FGF7: variants seen among roughly 807,000 people sequenced by gnomAD.
The protein encoded by FGF7 is fibroblast growth factor 7.
Under a neutral mutation model 20.5 loss-of-function variants are expected in FGF7, and 6 were observed. The observed-to-expected ratio is 0.29, with a 90% CI of 0.16 to 0.58. FGF7 has a LOEUF of 0.58. FGF7 is among the 20% of genes least tolerant of loss of function. The pLI is 0.90. For synonymous variants in FGF7, 64 were observed against 74.7 expected (o/e 0.86, Z 0.74); for missense variants, 144 against 228.8 (o/e 0.63, Z 2.39).
chr15:49,469,132 G>A (rs886969787), intron 2 of FGF7, among the ~76,000 whole-genome samples: 1 of 152,008 alleles, frequency 6.6e-6, no homozygotes, highest in African/African-American at 2.4e-5. Flanking sequence ...TAAAATAAAT[G>A]TAAGACTGAA....
At chr15:49,478,169 A>G (rs1171903036) in intron 2 of FGF7, among the ~76,000 whole-genome samples, 1 of 152,158 alleles carries the variant, frequency 6.6e-6, no homozygotes, top group East Asian at 1.9e-4. Context: ...AACATGCAGT[A>G]TTTAGTTTTC....
At chr15:49,444,049 G>T (rs1256565082) in intron 2 of FGF7, among the ~76,000 whole-genome samples, 4 of 151,690 alleles carry the variant, frequency 2.6e-5, no homozygotes, top group Admixed American at 2.6e-4. Flanking sequence ...CTAACATTGT[G>T]CTGGGCAAAC....
At chr15:49,479,047 A>T (rs896241007) in intron 2 of FGF7, among the ~76,000 whole-genome samples, 10 of 152,206 alleles carry the variant, frequency 6.6e-5, no homozygotes, top group Admixed American at 5.9e-4. Flanking sequence ...ACAGACAAAA[A>T]GGTTTAGATA....
At chr15:49,474,237 A>C (rs2055042982) in intron 2 of FGF7, among the ~76,000 whole-genome samples, 1 of 152,186 alleles carries the variant, frequency 6.6e-6, no homozygotes, top group African/African-American at 2.4e-5. Flanking sequence ...TTTTTAGTAA[A>C]TAATGTAGCT....
At position 49,424,376 on chromosome 15, in the gene FGF7, A is replaced by G; in HGVS notation, c.79A>G (p.Thr27Ala). ...CTTTCACATTATCTGTCTAGTGGGT[A>G]CTATATCTTTAGCTTGCAATGACAT... Reference protein sequence around the residue: ...SCFHIICLVGTISLACNDMTP... With the variant: ...SCFHIICLVGAISLACNDMTP... The change falls in exon 2 of 4, where the codon ACT (threonine) becomes GCT (alanine). Residue 27 changes from threonine to alanine, a missense_variant. By Grantham distance (58) the Thr-to-Ala change is moderately conservative. Around this residue, in one of 2 missense-constraint regions of FGF7, gnomAD observed 88 missense variants for 103.4 expected, o/e 0.85. Transcript: ENST00000267843. 6.2e-7 allele frequency: 1 copy of G among 1,613,726 alleles called. No homozygotes were observed. The highest frequency in any genetic ancestry group is 8.5e-7 in the Non-Finnish European group (1 of 1,179,734).
At position 49,484,570 on chromosome 15, in the gene FGF7, T is replaced by C; in HGVS notation, c.*66T>C. ...TTCTTTAAGTGGACTGTTTTCTTTC[T>C]TCTCAAAATTTTCTTTCCTTTTATT... On this transcript the variant is annotated 3_prime_UTR_variant, in exon 4 of 4. Transcript: ENST00000267843. 1 of 775,646 alleles carries C rather than the reference T, an allele frequency of 1.3e-6. No homozygotes were observed. Among genetic ancestry groups the C allele is most frequent in the East Asian group, 3.2e-5 (1 of 31,518 alleles). 48.0% of individuals were successfully genotyped at this position (775,646 alleles called of 1,614,324 possible). A position where few individuals can be genotyped will look rare whatever the true frequency, so the allele number is the denominator to read the frequency against.
At chr15:49,436,139 C>T (rs1214601982) in intron 2 of FGF7, among the ~76,000 whole-genome samples, 1 of 151,512 alleles carries the variant, frequency 6.6e-6, no homozygotes, top group African/African-American at 2.4e-5. Context: ...TAAAATTATA[C>T]ATGGGCCTGT....
chr15:49,442,892 T>C (rs933384879), intron 2 of FGF7, among the ~76,000 whole-genome samples: 17 of 151,844 alleles, frequency 1.1e-4, no homozygotes, highest in African/African-American at 4.1e-4. Flanking sequence ...CCACTAATGA[T>C]TAGGTTGATT....
chr15:49,446,625 A>G (rs992896724), intron 2 of FGF7, among the ~76,000 whole-genome samples: 2 of 151,560 alleles, frequency 1.3e-5, no homozygotes, highest in Non-Finnish European at 3.0e-5. Flanking sequence ...AAAATGTGAA[A>G]AAAAGGTGCA....
In FGF7 at chr15:49,487,765, T is replaced by C. The variant is rs2056525396; in HGVS notation, c.*3261T>C. The stretch of plus-strand genomic sequence containing the variant: ...AACATTTCTTTTCTCTTAAGACTCA[T>C]GTGATTTTTGCATCTTACTCCATAA... On this transcript the variant is annotated 3_prime_UTR_variant, in exon 4 of 4. Transcript: ENST00000267843. 1 of 151,922 alleles carries C rather than the reference T, an allele frequency of 6.6e-6. No individual in the cohort carries two copies. The highest frequency in any genetic ancestry group is 1.5e-5 in the Non-Finnish European group (1 of 67,910). 9.4% of individuals were successfully genotyped at this position (151,922 alleles called of 1,614,324 possible).
chr15:49,438,395 A>C (rs2051302880), intron 2 of FGF7, among the ~76,000 whole-genome samples: 1 of 151,756 alleles, frequency 6.6e-6, no homozygotes. Context: ...GTGACAATGA[A>C]TATCCATTGC....
At chr15:49,455,230 T>C (rs2151903679) in intron 2 of FGF7, among the ~76,000 whole-genome samples, 1 of 152,326 alleles carries the variant, frequency 6.6e-6, no homozygotes, top group Non-Finnish European at 1.5e-5. Context: ...TCAGGCATTC[T>C]GCTAGGTGGT....
chr15:49,433,221 T>C (rs1244872409), intron 2 of FGF7, among the ~76,000 whole-genome samples: 2 of 151,706 alleles, frequency 1.3e-5, no homozygotes, highest in Admixed American at 6.6e-5. Flanking sequence ...TGTGCCCCAA[T>C]TGCTTTTCTA....
At position 49,424,598 on chromosome 15, in the gene FGF7, G is replaced by C; in HGVS notation, c.286+15G>C. ...GAATAATTACAGTAAGTAATTTTAA[G>C]TACTGCTCATGAACCTTAGCAATCT... On this transcript the variant is annotated intron_variant, in intron 2 of 3. Transcript: ENST00000267843. The C allele has an allele frequency of 6.5e-7, 1 of 1,545,498 alleles. No individual in the cohort carries two copies. The highest frequency in any genetic ancestry group is 8.7e-7 in the Non-Finnish European group (1 of 1,143,274).
Position 49,437,371 on chromosome 15 carries a change from T to C in FGF7, c.286+12788T>C, listed in dbSNP as rs1403118510. 2.6e-5 allele frequency among the ~76,000 whole-genome samples: 4 copies of C among 151,654 alleles called. No homozygotes were observed. The East Asian group carries it at 5.8e-4, about 22-fold the overall frequency. The stretch of plus-strand genomic sequence containing the variant: ...GGATGGTGAAAAAGAAACAGTTTAC[T>C]GGCAAATAGGTTCTTTCTTTTGTCC... On this transcript the variant is annotated intron_variant, in intron 2 of 3. Transcript: ENST00000267843.
In FGF7 at chr15:49,485,195, T is replaced by C. The variant is rs2056304392; in HGVS notation, c.*691T>C. 6.6e-6 allele frequency: 1 copy of C among 152,392 alleles called. No individual in the cohort carries two copies. The highest frequency in any genetic ancestry group is 2.1e-4 in the South Asian group (1 of 4,830). The allele number at this position is 152,392 out of a possible 1,614,324, so 9.4% of individuals were successfully genotyped here. ...TGCTAAAAGGATGTTTCCAAAAATC[T>C]TGTATATAAGATAGCAACAGTGATT... On this transcript the variant is annotated 3_prime_UTR_variant, in exon 4 of 4. Transcript: ENST00000267843.
At chr15:49,451,708 T>C (rs768324750) in intron 2 of FGF7, among the ~76,000 whole-genome samples, 20 of 152,142 alleles carry the variant, frequency 1.3e-4, no homozygotes, top group Non-Finnish European at 2.4e-4. Context: ...TCATGAAACA[T>C]GTCTTCTAAA....
chr15:49,466,336 TC>T (rs2054264580), intron 2 of FGF7, among the ~76,000 whole-genome samples: 1 of 152,144 alleles, frequency 6.6e-6, no homozygotes, highest in Non-Finnish European at 1.5e-5. Context: ...TCTATGTAAT[TC>T]CAGGAACTGG....
rs1253728586 is a variant in FGF7 at position 49,487,358 on chromosome 15, A to G, written c.*2854A>G. ...AAAATTAAAACATGAAATGATAACA[A>G]AAGTAAACAAAAGATACTTTCAAAG... On this transcript the variant is annotated 3_prime_UTR_variant, in exon 4 of 4. Transcript: ENST00000267843. 1 of 151,966 alleles carries G rather than the reference A, an allele frequency of 6.6e-6. No homozygotes were observed. The highest frequency in any genetic ancestry group is 1.5e-5 in the Non-Finnish European group (1 of 67,916). The allele number at this position is 151,966 out of a possible 1,614,324, so 9.4% of individuals were successfully genotyped here.
Sources: gnomAD v4.1 joint callset for allele counts (sites outside exome capture counted in the v4.1 genomes callset) on GRCh38, gnomAD v4.1.1 for gene constraint, gnomAD v4.1.1 regional missense constraint, MANE v1.5 for transcripts, NCBI Gene and HGNC (gene_info 2026-07-23, HGNC 2026-07-21) for gene names.